Variants in EIF4A3 observed in about 807,000 individuals in gnomAD.
The protein encoded by EIF4A3 is eukaryotic translation initiation factor 4A3, also known as eukaryotic initiation factor 4A-III.
In EIF4A3, 1 loss-of-function variant was observed where a neutral mutation model predicts 55.6. The observed-to-expected ratio is 0.02, with a 90% confidence interval of 0.01 to 0.09. EIF4A3 has a LOEUF of 0.09. Among genes scored for constraint, EIF4A3 ranks in the 10% least tolerant of loss-of-function variants. EIF4A3 has a pLI of 1.00. For synonymous variants in EIF4A3, 194 were observed against 196.3 expected (o/e 0.99, Z 0.10); for missense variants, 221 against 540.7 (o/e 0.41, Z 5.86).
intron 2 of EIF4A3, among the ~76,000 whole-genome samples, chr17:80,142,510 G>A (rs1046498055): frequency 3.3e-5 from 5 of 152,184 alleles, no homozygotes; most frequent in Non-Finnish European, 5.9e-5. Flanking sequence ...ACTCTGGGAC[G>A]CAGAGGCAGC....
intron 9 of EIF4A3, chr17:80,136,880 G>C (rs1177664108): frequency 6.5e-6 from 1 of 154,390 alleles, no homozygotes; most frequent in Non-Finnish European, 1.4e-5. Flanking sequence ...CTTGAAATCA[G>C]GAGGCAGAGG....
Position 80,138,883 on chromosome 17 carries a change from A to G in EIF4A3, c.728+138T>C, listed in dbSNP as rs911828640. On this transcript the variant is annotated intron_variant, in intron 7 of 11. Coordinates refer to ENST00000649764, the MANE Select transcript of EIF4A3 (RefSeq NM_014740.4). ...TTCCTTTACACTCAGGCAAGAGGATAGCCTGAGGTCCGGGTTTTGACACGA... is the reference window on the plus strand; with the variant it reads ...TTCCTTTACACTCAGGCAAGAGGATGGCCTGAGGTCCGGGTTTTGACACGA... 6 of 1,119,900 alleles carry G rather than the reference A, an allele frequency of 5.4e-6. No individual in the cohort carries two copies. In the African/African-American group the frequency reaches 7.8e-5, roughly 15 times the overall value. The allele number at this position is 1,119,900 out of a possible 1,614,324, so 69.4% of individuals were successfully genotyped here. A position where few individuals can be genotyped will look rare whatever the true frequency, so the allele number is the denominator to read the frequency against.
intron 11 of EIF4A3, chr17:80,135,754 G>A (rs1459336404): frequency 8.2e-6 from 5 of 609,842 alleles, no homozygotes; most frequent in Non-Finnish European, 1.4e-5. Flanking sequence ...AAATTAGCTG[G>A]CTATGGTGCA....
intron 1 of EIF4A3, 72 bp downstream of exon 1, chr17:80,146,721 C>G (rs2144007716): frequency 6.6e-7 from 1 of 1,526,280 alleles, no homozygotes. Flanking sequence ...CGGGAGTCAC[C>G]AGTCTGGCCC....
intron 7 of EIF4A3, chr17:80,138,597 GGTT>G (rs2039592665): frequency 1.1e-5 from 4 of 364,240 alleles, no homozygotes; most frequent in Non-Finnish European, 2.0e-5. Context: ...ATAAAAGATG[GGTT>G]GTTTTGTTTT....
At chr17:80,138,093 C>T in intron 8 of EIF4A3, 49 bp downstream of exon 8, 5 of 1,586,540 alleles carry the variant, frequency 3.2e-6, no homozygotes, top group South Asian at 1.1e-5. Context: ...TTCAGAGACT[C>T]AATCTGCAGT....
Position 80,146,999 on chromosome 17 carries a change from G to A in EIF4A3, c.-38C>T. The A allele has an allele frequency of 6.8e-7, 1 of 1,480,048 alleles. No individual in the cohort carries two copies. Among genetic ancestry groups the A allele is most frequent in the Non-Finnish European group, 9.0e-7 (1 of 1,114,956 alleles). The allele number at this position is 1,480,048 out of a possible 1,614,324, so 91.7% of individuals were successfully genotyped here. A position where few individuals can be genotyped will look rare whatever the true frequency, so the allele number is the denominator to read the frequency against. ...GCGGAAGAGCACAGCGCGCGCCGCT[G>A]CCGACCTCGCTGCCGCTGCCGACCT... On this transcript the variant is annotated 5_prime_UTR_variant, in exon 1 of 12. Coordinates refer to ENST00000649764, the MANE Select transcript of EIF4A3 (RefSeq NM_014740.4).
At chr17:80,141,442 A>G in intron 3 of EIF4A3, 61 bp from the exon 4 acceptor site, 2 of 1,491,278 alleles carry the variant, frequency 1.3e-6, no homozygotes, top group Non-Finnish European at 1.9e-6. Flanking sequence ...GGATTGTAGT[A>G]ATTCACACTC....
In EIF4A3 at chr17:80,144,373, T is replaced by C. The variant is rs2039641753; in HGVS notation, c.170-129A>G. On this transcript the variant is annotated intron_variant, in intron 1 of 11. Transcript: ENST00000649764. ...CTCCAGCCTAACCCAGTGTTCAACA[T>C]AGCAAGCTCTCAAAACCCAGGGGCT... is the stretch of plus-strand genomic sequence containing the variant. 6 of 770,138 alleles carry C rather than the reference T, an allele frequency of 7.8e-6. No individual in the cohort carries two copies. The East Asian group carries it at 1.6e-4, about 21-fold the overall frequency. 47.7% of individuals were successfully genotyped at this position (770,138 alleles called of 1,614,324 possible).
chr17:80,142,132 C>T (rs892797889), intron 2 of EIF4A3, among the ~76,000 whole-genome samples: 9 of 152,184 alleles, frequency 5.9e-5, no homozygotes, highest in Admixed American at 2.6e-4. Context: ...GAGGACTCCC[C>T]TTTATCTAAA....
intron 1 of EIF4A3, 92 bp from the exon 2 acceptor site, chr17:80,144,336 T>A (rs2039641434): frequency 8.5e-7 from 1 of 1,182,448 alleles, no homozygotes; most frequent in Non-Finnish European, 1.2e-6. Flanking sequence ...TGGTTTGTTT[T>A]TTGAACCTGT....
intron 4 of EIF4A3, 21 bp from the exon 5 acceptor site, chr17:80,140,161 A>G: frequency 6.4e-7 from 1 of 1,568,472 alleles, no homozygotes; most frequent in Non-Finnish European, 8.7e-7. Context: ...GCACAGGTTC[A>G]CGTCCAGGGT....
intron 1 of EIF4A3, among the ~76,000 whole-genome samples, chr17:80,145,352 T>A (rs1205698523): frequency 6.6e-6 from 1 of 152,004 alleles, no homozygotes; most frequent in African/African-American, 2.4e-5. Flanking sequence ...ATCACTGAGG[T>A]CAGGAGTTCA....
rs1188554890 is a variant in EIF4A3, at chr17:80,145,071, A to G, written c.170-827T>C. Among the ~76,000 whole-genome samples the G allele has an allele frequency of 2.6e-5, 4 of 152,254 alleles. No homozygotes were observed. In the East Asian group the frequency reaches 7.7e-4, roughly 29 times the overall value. Reference sequence around the variant, plus strand: ...TTCCCATCTTAACACAAATGCAAATATAGCAGATGATTTAAACTCTTCATG... The same window carrying G: ...TTCCCATCTTAACACAAATGCAAATGTAGCAGATGATTTAAACTCTTCATG... On this transcript the variant is annotated intron_variant, in intron 1 of 11. Coordinates refer to ENST00000649764, the MANE Select transcript of EIF4A3 (RefSeq NM_014740.4).
At chr17:80,141,936 A>G (rs1359448332) in intron 2 of EIF4A3, 88 bp from the exon 3 acceptor site, 1 of 1,063,770 alleles carries the variant, frequency 9.4e-7, no homozygotes, top group Non-Finnish European at 1.4e-6. Context: ...AGAGGCACTT[A>G]GGTACCTTCT....
chr17:80,142,126 A>C (rs1291006538), intron 2 of EIF4A3, among the ~76,000 whole-genome samples: 7 of 151,742 alleles, frequency 4.6e-5, no homozygotes, highest in Non-Finnish European at 8.8e-5. Flanking sequence ...AAAAAGGAGG[A>C]CTCCCCTTTA....
Position 80,138,797 on chromosome 17 carries a change from T to G in EIF4A3, c.728+224A>C. 3 of 568,112 alleles carry G rather than the reference T, an allele frequency of 5.3e-6. No individual in the cohort carries two copies. The South Asian group carries it at 6.5e-5, about 12-fold the overall frequency. 35.2% of individuals were successfully genotyped at this position (568,112 alleles called of 1,614,324 possible). A position where few individuals can be genotyped will look rare whatever the true frequency, so the allele number is the denominator to read the frequency against. On this transcript the variant is annotated intron_variant, in intron 7 of 11. Transcript: ENST00000649764. The stretch of plus-strand genomic sequence containing the variant: ...TATTGGTAGAGATACGGTCTCTATA[T>G]GTTGCCCAGCCTATTTGGTTTTTTA...
At chr17:80,138,534 T>C (rs1303554953) in intron 7 of EIF4A3, 4 of 463,354 alleles carry the variant, frequency 8.6e-6, no homozygotes, top group South Asian at 3.7e-5. Context: ...GATAAATAAA[T>C]AGTCACCTAA....
At chr17:80,138,977 A>G in intron 7 of EIF4A3, 44 bp downstream of exon 7, 1 of 1,603,314 alleles carries the variant, frequency 6.2e-7, no homozygotes, top group South Asian at 1.1e-5. Context: ...TCCTTTATAA[A>G]TGCGGCCCAG....
Sources: allele counts gnomAD v4.1 joint callset (sites outside exome capture counted in the v4.1 genomes callset), GRCh38; gene constraint gnomAD v4.1.1; transcripts MANE v1.5; gene names NCBI Gene and HGNC (gene_info 2026-07-23, HGNC 2026-07-21).